Variants in RBM12B observed in about 807,000 individuals in gnomAD.
The protein encoded by RBM12B is RNA binding motif protein 12B, also known as RNA-binding protein 12B.
In RBM12B, 10 loss-of-function variants were observed where a neutral mutation model predicts 34.3. The observed-to-expected ratio is 0.29, with a 90% CI of 0.18 to 0.49. RBM12B has a LOEUF of 0.49. RBM12B is among the 20% of genes least tolerant of loss of function. The probability of loss-of-function intolerance (pLI) is 0.99; values close to 1 mark genes in which losing one functional copy is unlikely to be tolerated. For missense variants in RBM12B, 1,139 were observed against 1,262.7 expected (o/e 0.90, Z 1.48); for synonymous variants, 477 against 437.1 (o/e 1.09, Z -1.14).
At position 93,733,710 on chromosome 8, in the gene RBM12B, G is replaced by A; in HGVS notation, c.2701C>T (p.His901Tyr). 6.2e-7 allele frequency: 1 copy of A among 1,614,058 alleles called. No homozygotes were observed. Among genetic ancestry groups the A allele is most frequent in the South Asian group, 1.1e-5 (1 of 91,082 alleles). Residue 901 changes from histidine (H) to tyrosine (Y), a missense_variant, in exon 4 of 4, where the codon CAT (histidine) becomes TAT (tyrosine). Around this residue, in one of 3 missense-constraint regions of RBM12B, gnomAD observed 863 missense variants for 869.5 expected, o/e 0.99. Coordinates refer to ENST00000520560, the MANE Select transcript of RBM12B (RefSeq NM_001377960.1). ...PEGGKFDFGK[H>Y]NMGSFPEGRF... ...CCCTCAGGAAAACTTCCCATATTATGCTTTCCAAAATCAAACTTGCCACCT... is the reference window on the plus strand; with the variant it reads ...CCCTCAGGAAAACTTCCCATATTATACTTTCCAAAATCAAACTTGCCACCT...
Position 93,734,368 on chromosome 8 carries a change from C to T in RBM12B, c.2043G>A (p.Glu681=), listed in dbSNP as rs1426620830. 1.2e-6 allele frequency: 2 copies of T among 1,613,182 alleles called. No homozygotes were observed. Among genetic ancestry groups the T allele is most frequent in the Non-Finnish European group, 8.5e-7 (1 of 1,179,760 alleles). Residue 681 remains glutamate, a synonymous_variant, in exon 4 of 4, where the codon GAG becomes GAA. Transcript: ENST00000520560. ...CTCCCTGAAGAGGCCGCCTAAAGTC[C>T]TCCTCTGGGGGCCGTCTCCAGTCCT... is the stretch of plus-strand genomic sequence containing the variant. ...PEEDWRRPPE[E]DFRRPLQGEW... is the part of the protein sequence containing the mutation.
rs1811733446 is a variant in RBM12B at position 93,730,191 on chromosome 8, A to G, written c.*3214T>C. The G allele has an allele frequency of 6.6e-6, 1 of 152,234 alleles. No homozygotes were observed. The highest frequency in any genetic ancestry group is 6.5e-5 in the Admixed American group (1 of 15,286). The allele number at this position is 152,234 out of a possible 1,614,324, so 9.4% of individuals were successfully genotyped here. ...TAATTCATACATAATTATACATCAT[A>G]TAGTATCTAATACAGCTCAATAAAC... On this transcript the variant is annotated 3_prime_UTR_variant, in exon 4 of 4. Transcript: ENST00000520560.
At position 93,730,128 on chromosome 8, in the gene RBM12B, T is replaced by C. The variant is rs528149067; in HGVS notation, c.*3277A>G. On this transcript the variant is annotated 3_prime_UTR_variant, in exon 4 of 4. Transcript: ENST00000520560. ...TACCAGATTAGGAATACTCAACCTGTAGTACATTTACTAGGATTATCAGAA... is the reference window on the plus strand; with the variant it reads ...TACCAGATTAGGAATACTCAACCTGCAGTACATTTACTAGGATTATCAGAA... 6 of 152,354 alleles carry C rather than the reference T, an allele frequency of 3.9e-5. No individual in the cohort carries two copies. The highest frequency in any genetic ancestry group is 6.5e-5 in the Admixed American group (1 of 15,310). The allele number at this position is 152,354 out of a possible 1,614,324, so 9.4% of individuals were successfully genotyped here. A position where few individuals can be genotyped will look rare whatever the true frequency, so the allele number is the denominator to read the frequency against.
rs1456305680 is a variant in RBM12B, at chr8:93,731,228, C to T, written c.*2177G>A. On this transcript the variant is annotated 3_prime_UTR_variant, in exon 4 of 4. Coordinates refer to ENST00000520560, the MANE Select transcript of RBM12B (RefSeq NM_001377960.1). Reference sequence around the variant, plus strand: ...CTCTTATCTACCACCACCATCCCACCTCAGCCCAGTTTGAAATGCAATTCC... The same window carrying T: ...CTCTTATCTACCACCACCATCCCACTTCAGCCCAGTTTGAAATGCAATTCC... 6.6e-6 allele frequency: 1 copy of T among 152,224 alleles called. No individual in the cohort carries two copies. Among genetic ancestry groups the T allele is most frequent in the Non-Finnish European group, 1.5e-5 (1 of 68,036 alleles). 9.4% of individuals were successfully genotyped at this position (152,224 alleles called of 1,614,324 possible).
At position 93,728,286 on chromosome 8, in the gene RBM12B, TTTC is replaced by T. The variant is rs780338775; in HGVS notation, c.*5116_*5118del. 13 of 1,580,412 alleles carry T rather than the reference TTTC, an allele frequency of 8.2e-6. No homozygotes were observed. In the African/African-American group the frequency reaches 1.4e-4, roughly 17 times the overall value. On this transcript the variant is annotated 3_prime_UTR_variant, in exon 4 of 4. Coordinates refer to ENST00000520560, the MANE Select transcript of RBM12B (RefSeq NM_001377960.1). ...GTTAGATGTTACAGAAGAAGAAAAT[TTTC>T]TTAAGTAAACTACACATTTCCATTT...
intron 2 of RBM12B, among the ~76,000 whole-genome samples, chr8:93,738,745 T>C (rs1812100906): frequency 6.6e-6 from 1 of 152,214 alleles, no homozygotes; most frequent in Admixed American, 6.5e-5. Context: ...TTTACAGGTA[T>C]GAGCCACTGC....
In RBM12B at chr8:93,736,387, C is replaced by T. The variant is rs1265752115; in HGVS notation, c.24G>A (p.Leu8=). The T allele has an allele frequency of 6.3e-7, 1 of 1,596,532 alleles. No homozygotes were observed. Among genetic ancestry groups the T allele is most frequent in the South Asian group, 1.1e-5 (1 of 89,088 alleles). ...CAGGCCCCGCAATAAAAGGAAGCCC[C>T]AGTAAACGGATGACTACAGCCATGC... MAVVIRL[L]GLPFIAGPVD... is the part of the protein sequence containing the mutation. Residue 8 remains leucine (L), a synonymous_variant, in exon 4 of 4, where the codon CTG becomes CTA. Coordinates refer to ENST00000520560, the MANE Select transcript of RBM12B (RefSeq NM_001377960.1).
At position 93,730,338 on chromosome 8, in the gene RBM12B, C is replaced by T. The variant is rs531604713; in HGVS notation, c.*3067G>A. On this transcript the variant is annotated 3_prime_UTR_variant, in exon 4 of 4. Transcript: ENST00000520560. ...TAAATTAATAGAAATGCACTCCTAA[C>T]ATGATTTTTACCTATCTCTTGGTTG... is the stretch of plus-strand genomic sequence containing the variant. 9.9e-5 allele frequency: 15 copies of T among 152,266 alleles called. No individual in the cohort carries two copies. The highest frequency in any genetic ancestry group is 3.6e-4 in the African/African-American group (15 of 41,560). 9.4% of individuals were successfully genotyped at this position (152,266 alleles called of 1,614,324 possible). A position where few individuals can be genotyped will look rare whatever the true frequency, so the allele number is the denominator to read the frequency against.
Position 93,728,207 on chromosome 8 carries a change from A to C in RBM12B, c.*5198T>G. 6.4e-7 allele frequency: 1 copy of C among 1,565,670 alleles called. No individual in the cohort carries two copies. Among genetic ancestry groups the C allele is most frequent in the Non-Finnish European group, 8.6e-7 (1 of 1,161,236 alleles). ...AAAAGTGTGTTAACTTTTAACAGGTATCCACTTGTCGACTAAGAAAGGATC... is the reference window on the plus strand; with the variant it reads ...AAAAGTGTGTTAACTTTTAACAGGTCTCCACTTGTCGACTAAGAAAGGATC... On this transcript the variant is annotated 3_prime_UTR_variant, in exon 4 of 4. Coordinates refer to ENST00000520560, the MANE Select transcript of RBM12B (RefSeq NM_001377960.1).
chr8:93,735,381 G>A lies in RBM12B; in HGVS notation c.1030C>T (p.His344Tyr). 1 of 1,613,556 alleles carries A rather than the reference G, an allele frequency of 6.2e-7. No individual in the cohort carries two copies. Among genetic ancestry groups the A allele is most frequent in the Non-Finnish European group, 8.5e-7 (1 of 1,179,684 alleles). Residue 344 changes from histidine (H) to tyrosine (Y), a missense_variant, in exon 4 of 4, where the codon CAT (histidine) becomes TAT (tyrosine). This residue lies in a region of RBM12B where 863 missense variants were observed against 869.5 expected (regional missense o/e 0.99). Transcript: ENST00000520560. ...GGACGATATTGTAAAACAGTCTTAT[G>A]TAAACTCAGAGCGGTATTATAGTCT... The part of the protein sequence containing the change: ...LKDYNTALSL[H>Y]KTVLQYRPVH...
At chr8:93,740,184 T>C (rs1442734031) in intron 2 of RBM12B, 2 of 391,932 alleles carry the variant, frequency 5.1e-6, no homozygotes, top group Middle Eastern at 3.6e-4. Flanking sequence ...ATGTTTAAAA[T>C]AAAAACCAAA....
intron 2 of RBM12B, among the ~76,000 whole-genome samples, chr8:93,737,590 T>C (rs923104092): frequency 2.6e-5 from 4 of 151,938 alleles, no homozygotes; most frequent in Non-Finnish European, 5.9e-5. Flanking sequence ...AATTTGAAAC[T>C]TGCCGAAAAT....
In RBM12B at chr8:93,734,083, C is replaced by T. The variant is rs200821074; in HGVS notation, c.2328G>A (p.Pro776=). 394 of 1,563,160 alleles carry T rather than the reference C, an allele frequency of 2.5e-4. 4 individuals are homozygous for T. The Middle Eastern group carries it at 5.5e-3, about 22-fold the overall frequency. The change falls in exon 4 of 4, where the codon CCG becomes CCA. Residue 776 remains proline (P), a synonymous_variant. Transcript: ENST00000520560. Reference sequence around the variant, plus strand: ...CCTGGGGCGGTCTCCGGAAGTGCTCCGGGGGCGGGCGCCTGAAATGCTCTG... The same window carrying T: ...CCTGGGGCGGTCTCCGGAAGTGCTCTGGGGGCGGGCGCCTGAAATGCTCTG... ...PPPEHFRRPP[P]EHFRRPPQEH... is the part of the protein sequence containing the mutation.
In RBM12B at chr8:93,733,402, T is replaced by C; in HGVS notation, c.*3A>G. Reference sequence around the variant, plus strand: ...GATAACTGAATTTAGAAATGCTCTCTCTCTACAGCAAAGTTAACTTAACTT... The same window carrying C: ...GATAACTGAATTTAGAAATGCTCTCCCTCTACAGCAAAGTTAACTTAACTT... On this transcript the variant is annotated 3_prime_UTR_variant, in exon 4 of 4. Coordinates refer to ENST00000520560, the MANE Select transcript of RBM12B (RefSeq NM_001377960.1). 2.6e-6 allele frequency: 4 copies of C among 1,517,782 alleles called. No homozygotes were observed. Among genetic ancestry groups the C allele is most frequent in the Non-Finnish European group, 3.5e-6 (4 of 1,134,440 alleles). The allele number at this position is 1,517,782 out of a possible 1,614,324, so 94.0% of individuals were successfully genotyped here. A position where few individuals can be genotyped will look rare whatever the true frequency, so the allele number is the denominator to read the frequency against.
intron 1 of RBM12B, 87 bp from the exon 2 acceptor site, chr8:93,740,783 G>A: frequency 3.0e-6 from 1 of 334,706 alleles, no homozygotes; most frequent in Non-Finnish European, 5.9e-6. Flanking sequence ...CGCGGCCGCC[G>A]GTCCCGCCTT....
At chr8:93,740,335 C>T (rs1180185754) in intron 2 of RBM12B, 2 of 457,372 alleles carry the variant, frequency 4.4e-6, no homozygotes, top group Admixed American at 2.3e-5. Context: ...TTGTCCACAA[C>T]TCCCAGGGGT....
At position 93,734,212 on chromosome 8, in the gene RBM12B, C is replaced by G; in HGVS notation, c.2199G>C (p.Arg733=). 24 of 1,593,148 alleles carry G rather than the reference C, an allele frequency of 1.5e-5. No individual in the cohort carries two copies. The highest frequency in any genetic ancestry group is 2.1e-5 in the Non-Finnish European group (24 of 1,169,246). ...GTCTCCGGAAATGCTCTGGGGGTGG[C>G]CGACGGAAATGCTCCTGAGGTGGCC... is the stretch of plus-strand genomic sequence containing the variant. ...FRRPPQEHFR[R]PPPEHFRRPP... Residue 733 remains arginine, a synonymous_variant, in exon 4 of 4, where the codon CGG becomes CGC. Coordinates refer to ENST00000520560, the MANE Select transcript of RBM12B (RefSeq NM_001377960.1).
In RBM12B at chr8:93,740,997, C is replaced by A. The variant is rs974921090; in HGVS notation, c.-262G>T. ...CAGAAGAAGATGGCGCCCACTGCCC[C>A]TCCGGTCCGGACAAACGGACGTACG... On this transcript the variant is annotated 5_prime_UTR_variant, in exon 1 of 4. The change creates a new upstream start codon in the 5' untranslated region. Coordinates refer to ENST00000520560, the MANE Select transcript of RBM12B (RefSeq NM_001377960.1). 1 of 169,192 alleles carries A rather than the reference C, an allele frequency of 5.9e-6. No homozygotes were observed. The highest frequency in any genetic ancestry group is 5.6e-5 in the Admixed American group (1 of 17,772). The allele number at this position is 169,192 out of a possible 1,614,324, so 10.5% of individuals were successfully genotyped here. A position where few individuals can be genotyped will look rare whatever the true frequency, so the allele number is the denominator to read the frequency against.
Position 93,740,891 on chromosome 8 carries a change from G to C in RBM12B, c.-156C>G, listed in dbSNP as rs1812189985. 1.1e-5 allele frequency: 3 copies of C among 267,464 alleles called. No homozygotes were observed. The highest frequency in any genetic ancestry group is 1.0e-4 in the East Asian group (1 of 9,592). The allele number at this position is 267,464 out of a possible 1,614,324, so 16.6% of individuals were successfully genotyped here. ...GCAATAAACACACACCACTGCTGCC[G>C]AGTCGGACACACAAGGCCGGAGGCT... On this transcript the variant is annotated 5_prime_UTR_variant, in exon 1 of 4. Coordinates refer to ENST00000520560, the MANE Select transcript of RBM12B (RefSeq NM_001377960.1).
Sources: allele counts gnomAD v4.1 joint callset (sites outside exome capture counted in the v4.1 genomes callset), GRCh38; gene constraint gnomAD v4.1.1; regional missense constraint gnomAD v4.1.1; transcripts MANE v1.5; gene names NCBI Gene and HGNC (gene_info 2026-07-23, HGNC 2026-07-21).